Variants in FBXO4 observed in about 807,000 individuals in gnomAD.
FBXO4 encodes the protein F-box protein 4, also known as F-box only protein 4.
FBXO4 carries 36 observed loss-of-function variants against 43.7 expected under a neutral mutation model. That is an observed-to-expected ratio of 0.82 (90% CI 0.63 to 1.09). The LOEUF (loss-of-function observed/expected upper bound fraction) is 1.09. FBXO4 is among the 50% of genes least tolerant of loss of function. FBXO4 has a pLI of 0.00. For synonymous variants in FBXO4, 180 were observed against 165.6 expected (o/e 1.09, Z -0.67); for missense variants, 435 against 474.1 (o/e 0.92, Z 0.77).
chr5:41,999,623 G>A, the FBXO4 span, among the ~76,000 whole-genome samples: 24 of 146,260 alleles, frequency 1.6e-4, no homozygotes, highest in African/African-American at 5.3e-4. Context: ...CCCACAATAG[G>A]CTGTCTGCAA....
At chr5:41,946,300 A>G (rs1179505575), downstream of FBXO4, among the ~76,000 whole-genome samples, 2 of 152,230 alleles carry the variant, frequency 1.3e-5, no homozygotes, top group Non-Finnish European at 1.5e-5. Context: ...AGCAGATTAT[A>G]GAATTGTGTT....
At chr5:42,023,959 C>G in the FBXO4 span, among the ~76,000 whole-genome samples, 1 of 151,998 alleles carries the variant, frequency 6.6e-6, no homozygotes, top group South Asian at 2.1e-4. Flanking sequence ...ATCAGGTTTG[C>G]TGGCTGTTGG....
chr5:42,032,520 G>A, the FBXO4 span, among the ~76,000 whole-genome samples: 1 of 152,126 alleles, frequency 6.6e-6, no homozygotes, highest in African/African-American at 2.4e-5. Flanking sequence ...CACCACTATA[G>A]ACAATGGGAA....
the FBXO4 span, among the ~76,000 whole-genome samples, chr5:41,952,592 T>C: frequency 6.6e-6 from 1 of 152,168 alleles, no homozygotes; most frequent in African/African-American, 2.4e-5. Context: ...ACTTTGTGCC[T>C]TTTAGCTGTA....
chr5:41,972,262 A>T, the FBXO4 span, among the ~76,000 whole-genome samples: 1 of 152,266 alleles, frequency 6.6e-6, no homozygotes, highest in Admixed American at 6.5e-5. Flanking sequence ...AGGGTATAAA[A>T]ATCAATGTAT....
the FBXO4 span, among the ~76,000 whole-genome samples, chr5:41,968,657 A>C: frequency 1.3e-5 from 2 of 152,196 alleles, no homozygotes; most frequent in Non-Finnish European, 2.9e-5. Flanking sequence ...ACTAGTTATG[A>C]AATGATTAAA....
the FBXO4 span, among the ~76,000 whole-genome samples, chr5:41,991,280 T>C: frequency 2.0e-5 from 3 of 152,200 alleles, no homozygotes; most frequent in Admixed American, 1.3e-4. Flanking sequence ...ACTTTCTTAT[T>C]CCTACCAAAG....
At chr5:41,953,578 T>G in the FBXO4 span, among the ~76,000 whole-genome samples, 1 of 150,608 alleles carries the variant, frequency 6.6e-6, no homozygotes, top group Admixed American at 6.6e-5. Flanking sequence ...CCACACTGAC[T>G]TCCACAATGG....
chr5:42,010,883 T>G, the FBXO4 span, among the ~76,000 whole-genome samples: 2 of 152,180 alleles, frequency 1.3e-5, no homozygotes, highest in Non-Finnish European at 2.9e-5. Flanking sequence ...TTTTTCTTTT[T>G]TTTTAAATTA....
At chr5:41,934,445 A>C in intron 5 of FBXO4, 137 bp downstream of exon 5, 1 of 1,493,722 alleles carries the variant, frequency 6.7e-7, no homozygotes, top group African/African-American at 1.4e-5. Flanking sequence ...CCTTACTATT[A>C]ATAGTGTGTT....
chr5:42,008,413 G>A, the FBXO4 span, among the ~76,000 whole-genome samples: 1 of 152,064 alleles, frequency 6.6e-6, no homozygotes, highest in Non-Finnish European at 1.5e-5. Flanking sequence ...GTAAATTTGG[G>A]CAGGCTGTTT....
At chr5:42,018,847 T>C in the FBXO4 span, among the ~76,000 whole-genome samples, 2 of 152,196 alleles carry the variant, frequency 1.3e-5, no homozygotes, top group Non-Finnish European at 2.9e-5. Flanking sequence ...TTGTAATAAA[T>C]GTAACTTCAT....
At chr5:41,925,529 G>C in intron 1 of FBXO4, 31 bp downstream of exon 1, 1 of 1,296,758 alleles carries the variant, frequency 7.7e-7, no homozygotes, top group South Asian at 2.4e-5. Flanking sequence ...GCGGAGGACA[G>C]TGGGGCCGGC....
At chr5:41,946,019 T>A (rs1383911471), downstream of FBXO4, among the ~76,000 whole-genome samples, 1 of 152,208 alleles carries the variant, frequency 6.6e-6, no homozygotes, top group East Asian at 1.9e-4. Context: ...AATTACTTCA[T>A]CCCCATGTGA....
the FBXO4 span, among the ~76,000 whole-genome samples, chr5:41,970,488 G>A: frequency 2.0e-4 from 30 of 151,786 alleles, 1 homozygote; most frequent in African/African-American, 7.2e-4. Flanking sequence ...AGGCCCAAAT[G>A]ATATTATTAG....
chr5:41,966,817 A>G, the FBXO4 span, among the ~76,000 whole-genome samples: 37 of 152,316 alleles, frequency 2.4e-4, no homozygotes, highest in Admixed American at 1.5e-3. Flanking sequence ...GAGAAGTGCA[A>G]TCCTAGAAAA....
chr5:41,996,515 G>A, the FBXO4 span, among the ~76,000 whole-genome samples: 1 of 152,184 alleles, frequency 6.6e-6, no homozygotes, highest in Admixed American at 6.5e-5. Flanking sequence ...AAGCACCATT[G>A]GATCTGCTGG....
chr5:41,999,512 TATATATATATACATATATATATAC>T, the FBXO4 span, among the ~76,000 whole-genome samples: 1 of 109,436 alleles, frequency 9.1e-6, no homozygotes, highest in African/African-American at 4.3e-5. Flanking sequence ...TATGTGTATA[TATATATATATACATATATATATAC>T]ATATATATGT....
At chr5:41,982,437 C>T in the FBXO4 span, among the ~76,000 whole-genome samples, 12,709 of 152,052 alleles carry the variant, frequency 0.084, 701 homozygotes, top group African/African-American at 0.15. Flanking sequence ...TTAATGATCG[C>T]CATTCTAATT....
Sources: gnomAD v4.1 joint callset for allele counts (sites outside exome capture counted in the v4.1 genomes callset) on GRCh38, gnomAD v4.1.1 for gene constraint, MANE v1.5 for transcripts, NCBI Gene and HGNC (gene_info 2026-07-23, HGNC 2026-07-21) for gene names.